Variants in GRM5 observed in about 807,000 individuals in gnomAD.
GRM5 encodes glutamate metabotropic receptor 5.
Under a neutral mutation model 83.1 loss-of-function variants are expected in GRM5, and 19 were observed. The observed-to-expected ratio is 0.23, with a 90% CI of 0.16 to 0.34. The LOEUF (loss-of-function observed/expected upper bound fraction) is 0.34, where lower values mean the gene tolerates loss of function less well. Among genes scored for constraint, GRM5 ranks in the 10% least tolerant of loss-of-function variants. The pLI is 1.00. For missense variants in GRM5, 1,160 were observed against 1,588.3 expected (o/e 0.73, Z 4.58); for synonymous variants, 675 against 633.6 (o/e 1.07, Z -0.98).
chr11:88,713,602 G>T (rs988848821), intron 3 of GRM5, among the ~76,000 whole-genome samples: 2 of 152,006 alleles, frequency 1.3e-5, no homozygotes, highest in African/African-American at 4.8e-5. Context: ...TCCCAGGGTG[G>T]AGGCATGTTT....
Position 88,885,450 on chromosome 11 carries a change from GTTTT to G in GRM5, c.662-35299_662-35296del, listed in dbSNP as rs61456975. ...TTCTGAATTCTATAGTAGGTACCATGTTTTTTTTTTTTTTTTTTTTTTTTTTTTT... is the reference window on the plus strand; with the variant it reads ...TTCTGAATTCTATAGTAGGTACCATGTTTTTTTTTTTTTTTTTTTTTTTTT... On this transcript the variant is annotated intron_variant, in intron 2 of 9. Coordinates refer to ENST00000305447, the MANE Select transcript of GRM5 (RefSeq NM_001143831.3). Among the ~76,000 whole-genome samples, 155 of 62,656 alleles carry G rather than the reference GTTTT, an allele frequency of 2.5e-3. 20 individuals are homozygous for G. Among genetic ancestry groups the G allele is most frequent in the African/African-American group, 7.3e-3 (123 of 16,884 alleles). 41.1% of individuals were successfully genotyped at this position (62,656 alleles called of 152,430 possible).
intron 7 of GRM5, among the ~76,000 whole-genome samples, chr11:88,575,546 G>A (rs1022073690): frequency 6.6e-6 from 1 of 152,234 alleles, no homozygotes; most frequent in African/African-American, 2.4e-5. Flanking sequence ...GGTGGGGCTA[G>A]TGGTGGCATA....
At chr11:88,990,593 C>T (rs1475290814) in intron 2 of GRM5, among the ~76,000 whole-genome samples, 3 of 149,182 alleles carry the variant, frequency 2.0e-5, no homozygotes, top group Admixed American at 6.7e-5. Flanking sequence ...CCTTGATGAA[C>T]ATTGATGCAA....
intron 2 of GRM5, among the ~76,000 whole-genome samples, chr11:89,020,507 A>G (rs1447438708): frequency 6.6e-6 from 1 of 152,206 alleles, no homozygotes; most frequent in African/African-American, 2.4e-5. Context: ...ACAGTCAGAG[A>G]ATTAAAACTA....
At chr11:88,899,653 T>C (rs1398017210) in intron 2 of GRM5, among the ~76,000 whole-genome samples, 1 of 151,978 alleles carries the variant, frequency 6.6e-6, no homozygotes, top group Admixed American at 6.6e-5. Flanking sequence ...TTATTTATAA[T>C]ACTAGAATGG....
At chr11:89,038,679 C>T (rs1272117808) in intron 2 of GRM5, among the ~76,000 whole-genome samples, 1 of 152,096 alleles carries the variant, frequency 6.6e-6, no homozygotes, top group Non-Finnish European at 1.5e-5. Flanking sequence ...TAAAAAGACA[C>T]AAAAATATGC....
chr11:88,786,050 T>C (rs1943062430), intron 3 of GRM5, among the ~76,000 whole-genome samples: 1 of 152,098 alleles, frequency 6.6e-6, no homozygotes, highest in Non-Finnish European at 1.5e-5. Flanking sequence ...GCTTTTATAC[T>C]CATGTGTCCA....
intron 2 of GRM5, among the ~76,000 whole-genome samples, chr11:88,998,747 T>C (rs191529611): frequency 1.4e-3 from 220 of 152,314 alleles, no homozygotes; most frequent in African/African-American, 5.1e-3. Context: ...TCAGTATTCA[T>C]GATAAACATA....
At chr11:88,601,598 C>T (rs573067805) in intron 5 of GRM5, among the ~76,000 whole-genome samples, 6 of 151,792 alleles carry the variant, frequency 4.0e-5, no homozygotes, top group African/African-American at 9.7e-5. Context: ...TCATTTTTGC[C>T]GTTGTTTTCA....
At chr11:88,991,963 C>A (rs924791550) in intron 2 of GRM5, among the ~76,000 whole-genome samples, 6 of 152,176 alleles carry the variant, frequency 3.9e-5, no homozygotes, top group African/African-American at 1.4e-4. Context: ...GCAAGGACTT[C>A]ATGTCTAAAA....
chr11:88,977,433 G>A (rs1256945425), intron 2 of GRM5, among the ~76,000 whole-genome samples: 3 of 151,952 alleles, frequency 2.0e-5, no homozygotes, highest in Admixed American at 6.6e-5. Context: ...GGATGGTCTC[G>A]ATCTCCTGAC....
At chr11:88,565,531 C>A (rs1039980847) in intron 8 of GRM5, among the ~76,000 whole-genome samples, 1 of 152,152 alleles carries the variant, frequency 6.6e-6, no homozygotes, top group Non-Finnish European at 1.5e-5. Context: ...CTGGGAGATT[C>A]TGTTTACAGA....
intron 9 of GRM5, among the ~76,000 whole-genome samples, chr11:88,521,718 A>C (rs1245276986): frequency 6.6e-6 from 1 of 152,174 alleles, no homozygotes; most frequent in Non-Finnish European, 1.5e-5. Context: ...ATGAGGTTAA[A>C]AAAAAAGCCT....
chr11:88,663,883 G>C (rs1281050667), intron 3 of GRM5, among the ~76,000 whole-genome samples: 3 of 152,074 alleles, frequency 2.0e-5, no homozygotes, highest in African/African-American at 7.2e-5. Context: ...AATAAGACAG[G>C]CTTCAAGAGG....
At chr11:88,610,901 C>G (rs1938294204) in intron 4 of GRM5, among the ~76,000 whole-genome samples, 1 of 152,102 alleles carries the variant, frequency 6.6e-6, no homozygotes. Context: ...CCTTTGTTGC[C>G]TAACTTGTTC....
intron 3 of GRM5, among the ~76,000 whole-genome samples, chr11:88,763,147 C>A (rs1942562249): frequency 6.6e-6 from 1 of 151,854 alleles, no homozygotes; most frequent in Non-Finnish European, 1.5e-5. Context: ...TATAGCAAAC[C>A]TGCACATGTA....
chr11:89,064,854 TTCTCTCTCTCTCTCTC>T (rs144985912), intron 1 of GRM5, among the ~76,000 whole-genome samples: 1,184 of 46,128 alleles, frequency 0.026, 68 homozygotes, highest in African/African-American at 0.095. Context: ...ATTTTTCATA[TTCTCTCTCTCTCTCTC>T]TCTCTCTCTC....
intron 2 of GRM5, among the ~76,000 whole-genome samples, chr11:88,992,048 A>G (rs1485368521): frequency 6.6e-6 from 1 of 152,178 alleles, no homozygotes; most frequent in East Asian, 1.9e-4. Context: ...CTGTACAGCA[A>G]AAGAAACTAC....
At chr11:88,629,790 A>G (rs1486837820) in intron 4 of GRM5, among the ~76,000 whole-genome samples, 1 of 152,168 alleles carries the variant, frequency 6.6e-6, no homozygotes, top group Non-Finnish European at 1.5e-5. Flanking sequence ...GCTCCATGGC[A>G]GTCAATGTTA....
Sources: allele counts gnomAD v4.1 joint callset (sites outside exome capture counted in the v4.1 genomes callset), GRCh38; gene constraint gnomAD v4.1.1; transcripts MANE v1.5; gene names NCBI Gene and HGNC (gene_info 2026-07-23, HGNC 2026-07-21).